Variants in ITPR2 observed in about 807,000 individuals in gnomAD.
The protein encoded by ITPR2 is inositol 1,4,5-trisphosphate-gated calcium channel ITPR2.
In ITPR2, 207 loss-of-function variants were observed where a neutral mutation model predicts 317.1. That is an observed-to-expected ratio of 0.65 (90% CI 0.58 to 0.73). The LOEUF (loss-of-function observed/expected upper bound fraction) is 0.73, where lower values mean the gene tolerates loss of function less well. Among genes scored for constraint, ITPR2 ranks in the 30% least tolerant of loss-of-function variants. ITPR2 has a pLI of 0.00. For missense variants in ITPR2, 2,613 were observed against 3,284.0 expected, an observed-to-expected ratio of 0.80 and a Z score of 4.99; for synonymous variants, 1,156 against 1,149.1, an observed-to-expected ratio of 1.01 and a Z score of -0.12.
chr12:26,746,209 C>CACAT (rs1198436481), intron 2 of ITPR2, among the ~76,000 whole-genome samples: 1 of 151,792 alleles, frequency 6.6e-6, no homozygotes, highest in African/African-American at 2.4e-5. Context: ...CACACACACA[C>CACAT]ACACATACAC....
chr12:26,591,076 T>C (rs1306478978), intron 32 of ITPR2, among the ~76,000 whole-genome samples: 2 of 54,848 alleles, frequency 3.6e-5, no homozygotes, highest in African/African-American at 7.3e-5. Context: ...TGAGACTCCA[T>C]CTCAAAAAAA....
In ITPR2 at chr12:26,748,935, C is replaced by T. The variant is rs562809256; in HGVS notation, c.164-23170G>A. On this transcript the variant is annotated intron_variant, in intron 2 of 56. Coordinates refer to ENST00000381340, the MANE Select transcript of ITPR2 (RefSeq NM_002223.4). ...TAATTTAAGCCACAGAAATAGATAA[C>T]ATTTAAAAATGAAAGTCTAAAGAGC... 3.9e-5 allele frequency among the ~76,000 whole-genome samples: 6 copies of T among 152,230 alleles called. 1 individual carries two copies. The South Asian group carries it at 1.2e-3, about 32-fold the overall frequency.
intron 30 of ITPR2, among the ~76,000 whole-genome samples, chr12:26,598,625 A>G (rs1205820511): frequency 2.0e-5 from 3 of 152,212 alleles, no homozygotes; most frequent in African/African-American, 7.2e-5. Context: ...TCATCTATTC[A>G]TTTGCTGAAA....
intron 2 of ITPR2, among the ~76,000 whole-genome samples, chr12:26,769,900 C>T (rs1372453992): frequency 1.3e-5 from 2 of 152,128 alleles, no homozygotes; most frequent in African/African-American, 4.8e-5. Flanking sequence ...TACCACATCA[C>T]GTTCCTAGAA....
intron 2 of ITPR2, among the ~76,000 whole-genome samples, chr12:26,781,857 G>C (rs1445591511): frequency 1.3e-5 from 2 of 151,766 alleles, no homozygotes; most frequent in Non-Finnish European, 2.9e-5. Context: ...GGCTAGACTG[G>C]CTTAGCCTCC....
chr12:26,675,713 C>T lies in ITPR2; in HGVS notation c.1409+6161G>A, dbSNP rs367631440. ...AAGTATAATAATAAAAAAAAAATTA[C>T]CAAGTCAAGAAAAATTACCAGTGAA... On this transcript the variant is annotated intron_variant, in intron 13 of 56. Coordinates refer to ENST00000381340, the MANE Select transcript of ITPR2 (RefSeq NM_002223.4). Among the ~76,000 whole-genome samples the T allele has an allele frequency of 3.2e-4, 42 of 130,074 alleles. No homozygotes were observed. The East Asian group carries it at 0.01, about 31-fold the overall frequency. The allele number at this position is 130,074 out of a possible 152,430, so 85.3% of individuals were successfully genotyped here. A position where few individuals can be genotyped will look rare whatever the true frequency, so the allele number is the denominator to read the frequency against.
intron 55 of ITPR2, among the ~76,000 whole-genome samples, chr12:26,383,146 C>T (rs372907874): frequency 6.6e-5 from 10 of 152,166 alleles, no homozygotes; most frequent in African/African-American, 2.2e-4. Flanking sequence ...CCCTCTCTCT[C>T]GTTCTCTCTC....
intron 16 of ITPR2, 101 bp from the exon 17 acceptor site, chr12:26,658,231 T>C: frequency 1.4e-6 from 1 of 731,390 alleles, no homozygotes; most frequent in African/African-American, 1.8e-5. Flanking sequence ...AAACTTATTA[T>C]ATGTTTTAAT....
At chr12:26,440,202 C>A (rs1941451897) in intron 46 of ITPR2, among the ~76,000 whole-genome samples, 1 of 152,082 alleles carries the variant, frequency 6.6e-6, no homozygotes, top group African/African-American at 2.4e-5. Context: ...GGCAGAGAGC[C>A]ATAAGAGACA....
intron 9 of ITPR2, among the ~76,000 whole-genome samples, chr12:26,710,435 T>C (rs1321697217): frequency 2.0e-5 from 3 of 152,208 alleles, no homozygotes; most frequent in African/African-American, 7.2e-5. Context: ...TCCTGAAATC[T>C]CCTTCTCCCC....
chr12:26,353,505 A>G (rs552069739), intron 55 of ITPR2, among the ~76,000 whole-genome samples: 1 of 152,338 alleles, frequency 6.6e-6, no homozygotes, highest in African/African-American at 2.4e-5. Context: ...ATTTTCCATG[A>G]CAGTCTGAGT....
At chr12:26,714,867 G>A (rs762797634) in intron 8 of ITPR2, among the ~76,000 whole-genome samples, 13 of 152,154 alleles carry the variant, frequency 8.5e-5, no homozygotes, top group Non-Finnish European at 1.8e-4. Flanking sequence ...GGCATCTACA[G>A]AAGAAATAAA....
chr12:26,721,639 TTTTA>T (rs1223225911), intron 5 of ITPR2, among the ~76,000 whole-genome samples: 1 of 152,186 alleles, frequency 6.6e-6, no homozygotes, highest in Non-Finnish European at 1.5e-5. Context: ...TCACGCAGTA[TTTTA>T]TTTATTACAT....
chr12:26,674,131 T>G (rs61922685), intron 13 of ITPR2, among the ~76,000 whole-genome samples: 23,964 of 141,170 alleles, frequency 0.17, 2,247 homozygotes, highest in Non-Finnish European at 0.25. Context: ...CAAGGTAATT[T>G]ATAGATTCAA....
chr12:26,398,466 C>G (rs17385849), intron 54 of ITPR2, among the ~76,000 whole-genome samples: 5,172 of 152,184 alleles, frequency 0.034, 126 homozygotes, highest in South Asian at 0.092. Flanking sequence ...AGTTCAGAAT[C>G]CAAAACATAG....
intron 50 of ITPR2, among the ~76,000 whole-genome samples, chr12:26,417,421 A>T (rs1297350589): frequency 3.9e-5 from 6 of 152,160 alleles, no homozygotes; most frequent in African/African-American, 1.2e-4. Context: ...TCGAATTGTA[A>T]TCGCCATGTG....
intron 49 of ITPR2, among the ~76,000 whole-genome samples, chr12:26,425,145 T>C (rs2136697593): frequency 6.6e-6 from 1 of 152,172 alleles, no homozygotes. Context: ...GGTCTCACTA[T>C]GTTGACCAGA....
At chr12:26,542,767 T>C (rs1944295269) in intron 37 of ITPR2, among the ~76,000 whole-genome samples, 1 of 152,234 alleles carries the variant, frequency 6.6e-6, no homozygotes, top group Admixed American at 6.5e-5. Context: ...AACATCTCTG[T>C]TGCCCTATAG....
chr12:26,781,053 G>C (rs1950066243), intron 2 of ITPR2, among the ~76,000 whole-genome samples: 1 of 152,190 alleles, frequency 6.6e-6, no homozygotes, highest in Non-Finnish European at 1.5e-5. Flanking sequence ...ATGAAATACA[G>C]GAGATCCTTG....
Sources: allele counts gnomAD v4.1 joint callset (sites outside exome capture counted in the v4.1 genomes callset), GRCh38; gene constraint gnomAD v4.1.1; transcripts MANE v1.5; gene names NCBI Gene and HGNC (gene_info 2026-07-23, HGNC 2026-07-21).